NHLRC2: variants seen among roughly 807,000 people sequenced by gnomAD.
NHLRC2 encodes NHL repeat-containing protein 2.
In NHLRC2, 33 loss-of-function variants were observed where a neutral mutation model predicts 68.1. The ratio of observed to expected loss-of-function variants is 0.48; its 90% CI spans 0.37 to 0.65. The LOEUF is 0.65. NHLRC2 is among the 30% of genes least tolerant of loss of function. The pLI, the probability that NHLRC2 is intolerant of heterozygous loss-of-function variation, is 0.00. For missense variants in NHLRC2, 761 were observed against 853.8 expected (o/e 0.89, Z 1.35); for synonymous variants, 311 against 309.6 (o/e 1.00, Z -0.05).
intron 5 of NHLRC2, among the ~76,000 whole-genome samples, chr10:113,889,497 T>C (rs969603675): frequency 6.6e-6 from 1 of 152,202 alleles, no homozygotes; most frequent in East Asian, 1.9e-4. Context: ...ATAAGTTATA[T>C]CTTTATGTCT....
chr10:113,885,068 T>C (rs1846068813), intron 5 of NHLRC2, among the ~76,000 whole-genome samples: 1 of 151,882 alleles, frequency 6.6e-6, no homozygotes, highest in Non-Finnish European at 1.5e-5. Flanking sequence ...TTAGAATATG[T>C]CGAAAATGTA....
intron 1 of NHLRC2, among the ~76,000 whole-genome samples, chr10:113,855,384 A>G (rs1045226526): frequency 2.6e-5 from 4 of 152,034 alleles, no homozygotes; most frequent in East Asian, 1.9e-4. Flanking sequence ...TGTCCATTCA[A>G]TCTGGTTCCC....
chr10:113,858,687 G>T lies in NHLRC2; in HGVS notation c.331+7G>T. ...CACACATACTCTGATAAAGGTATCT[G>T]CTCTTTAATTAGTTTCTAACAGACT... On this transcript the variant is annotated splice_region_variant and intron_variant, in intron 2 of 10. Coordinates refer to ENST00000369301, the MANE Select transcript of NHLRC2 (RefSeq NM_198514.4). 2 of 1,603,456 alleles carry T rather than the reference G, an allele frequency of 1.2e-6. No homozygotes were observed. Among genetic ancestry groups the T allele is most frequent in the South Asian group, 1.1e-5 (1 of 90,484 alleles).
chr10:113,899,651 G>A (rs1297114161), intron 6 of NHLRC2, among the ~76,000 whole-genome samples: 1 of 152,180 alleles, frequency 6.6e-6, no homozygotes, highest in Admixed American at 6.5e-5. Flanking sequence ...TGGGTGCGGT[G>A]GGTCACGCCT....
chr10:113,905,126 C>A, intron 10 of NHLRC2, 90 bp downstream of exon 10: 1 of 682,986 alleles, frequency 1.5e-6, no homozygotes, highest in Non-Finnish European at 2.3e-6. Context: ...TATTTTTACT[C>A]TGTATAGGCA....
Position 113,908,385 on chromosome 10 carries a change from AAGCC to A in NHLRC2, c.2032_2035del (p.Ala678LeufsTer19). On this transcript the variant is annotated frameshift_variant, in exon 11 of 11. Coordinates refer to ENST00000369301, the MANE Select transcript of NHLRC2 (RefSeq NM_198514.4). LOFTEE classifies it high-confidence loss of function. The stretch of plus-strand genomic sequence containing the variant: ...ATTCCTGATGATTGCTTATCACTTG[AAGCC>A]ATTGTATCTGTCAGTGTGTTTCTTT... The A allele has an allele frequency of 6.2e-7, 1 of 1,614,132 alleles. No individual in the cohort carries two copies. The highest frequency in any genetic ancestry group is 8.5e-7 in the Non-Finnish European group (1 of 1,179,942).
Position 113,914,388 on chromosome 10 carries a change from G to C in NHLRC2, c.*5852G>C, listed in dbSNP as rs1400001155. On this transcript the variant is annotated 3_prime_UTR_variant, in exon 11 of 11. Coordinates refer to ENST00000369301, the MANE Select transcript of NHLRC2 (RefSeq NM_198514.4). ...TCGCCATGCTTGCCAGGCTGGTCTC[G>C]AACTCCTGACCTCAGGTGATCTGCC... 1.3e-5 allele frequency: 2 copies of C among 152,212 alleles called. No individual in the cohort carries two copies. Among genetic ancestry groups the C allele is most frequent in the African/African-American group, 4.8e-5 (2 of 41,282 alleles). 9.4% of individuals were successfully genotyped at this position (152,212 alleles called of 1,614,324 possible). A position where few individuals can be genotyped will look rare whatever the true frequency, so the allele number is the denominator to read the frequency against.
At chr10:113,856,698 A>G (rs1391607233) in intron 1 of NHLRC2, among the ~76,000 whole-genome samples, 1 of 152,216 alleles carries the variant, frequency 6.6e-6, no homozygotes, top group Non-Finnish European at 1.5e-5. Context: ...AACTAAAAAA[A>G]CATATAATAA....
intron 7 of NHLRC2, 73 bp from the exon 8 acceptor site, chr10:113,902,398 T>C: frequency 1.0e-6 from 1 of 995,526 alleles, no homozygotes; most frequent in Non-Finnish European, 1.5e-6. Context: ...GTTTGAATTT[T>C]CCTTCATATT....
At chr10:113,887,682 G>A (rs7895675) in intron 5 of NHLRC2, among the ~76,000 whole-genome samples, 2,384 of 152,276 alleles carry the variant, frequency 0.016, 58 homozygotes, top group African/African-American at 0.054. Context: ...TGAGGTGGGA[G>A]AATCACTTGA....
rs1363619962 is a variant in NHLRC2 at position 113,854,676 on chromosome 10, C to G, written c.-197C>G. ...GTCGGACGGCAGTTTAATTACGTCC[C>G]CGGGAACTGCGCCGATTTGGACTTT... On this transcript the variant is annotated 5_prime_UTR_variant, in exon 1 of 11. Coordinates refer to ENST00000369301, the MANE Select transcript of NHLRC2 (RefSeq NM_198514.4). The G allele has an allele frequency of 1.8e-6, 1 of 556,296 alleles. No individual in the cohort carries two copies. The allele number at this position is 556,296 out of a possible 1,614,324, so 34.5% of individuals were successfully genotyped here. A position where few individuals can be genotyped will look rare whatever the true frequency, so the allele number is the denominator to read the frequency against.
chr10:113,857,075 A>C lies in NHLRC2; in HGVS notation c.179-1453A>C, dbSNP rs186065448. Among the ~76,000 whole-genome samples, 70 of 152,318 alleles carry C rather than the reference A, an allele frequency of 4.6e-4. 1 individual carries two copies. The highest frequency in any genetic ancestry group is 1.6e-3 in the African/African-American group (67 of 41,570). On this transcript the variant is annotated intron_variant, in intron 1 of 10. Transcript: ENST00000369301. ...TTATTATTTGTATTGAAAGTAATATATGTAAAATTCTTAATTCACAGAAAA... is the reference window on the plus strand; with the variant it reads ...TTATTATTTGTATTGAAAGTAATATCTGTAAAATTCTTAATTCACAGAAAA...
At chr10:113,869,930 T>G (rs1476694301) in intron 2 of NHLRC2, among the ~76,000 whole-genome samples, 1 of 152,174 alleles carries the variant, frequency 6.6e-6, no homozygotes, top group Non-Finnish European at 1.5e-5. Flanking sequence ...CCTTCCTTAC[T>G]AAATACACCA....
At chr10:113,885,186 T>C (rs886612131) in intron 5 of NHLRC2, among the ~76,000 whole-genome samples, 2 of 151,930 alleles carry the variant, frequency 1.3e-5, no homozygotes, top group African/African-American at 4.8e-5. Context: ...ATGATGCCAA[T>C]TTAATTATGA....
At chr10:113,900,612 A>C (rs1049268521) in intron 6 of NHLRC2, among the ~76,000 whole-genome samples, 8 of 152,132 alleles carry the variant, frequency 5.3e-5, no homozygotes, top group South Asian at 2.1e-4. Flanking sequence ...TCTTTTCTTT[A>C]TTTAATTAAG....
Position 113,879,798 on chromosome 10 carries a change from A to G in NHLRC2, c.909+103A>G, listed in dbSNP as rs572815107. Reference sequence around the variant, plus strand: ...TTAAAGCGTGATTCTTATGTATGTCAATGTCCTTGTTCTGCTTTTCTTGAG... The same window carrying G: ...TTAAAGCGTGATTCTTATGTATGTCGATGTCCTTGTTCTGCTTTTCTTGAG... On this transcript the variant is annotated intron_variant, in intron 4 of 10. Coordinates refer to ENST00000369301, the MANE Select transcript of NHLRC2 (RefSeq NM_198514.4). The G allele has an allele frequency of 2.6e-5, 19 of 719,184 alleles. No homozygotes were observed. The East Asian group carries it at 5.8e-4, about 22-fold the overall frequency. The allele number at this position is 719,184 out of a possible 1,614,324, so 44.6% of individuals were successfully genotyped here. A position where few individuals can be genotyped will look rare whatever the true frequency, so the allele number is the denominator to read the frequency against.
chr10:113,879,466 A>G, intron 3 of NHLRC2, 108 bp from the exon 4 acceptor site: 5 of 976,538 alleles, frequency 5.1e-6, no homozygotes, highest in Non-Finnish European at 7.6e-6. Flanking sequence ...TTAGATGGAC[A>G]TACCATTTTT....
chr10:113,856,407 CCTG>C (rs1845759504), intron 1 of NHLRC2, among the ~76,000 whole-genome samples: 1 of 152,132 alleles, frequency 6.6e-6, no homozygotes, highest in Admixed American at 6.5e-5. Context: ...GCTTATTTTT[CCTG>C]CTATTAATCT....
At chr10:113,886,064 C>T (rs997070839) in intron 5 of NHLRC2, among the ~76,000 whole-genome samples, 7 of 151,786 alleles carry the variant, frequency 4.6e-5, no homozygotes, top group Non-Finnish European at 1.0e-4. Flanking sequence ...AATCAACATA[C>T]AAAAATTAAT....
Sources: gnomAD v4.1 joint callset for allele counts (sites outside exome capture counted in the v4.1 genomes callset) on GRCh38, gnomAD v4.1.1 for gene constraint, MANE v1.5 for transcripts, NCBI Gene and HGNC (gene_info 2026-07-23, HGNC 2026-07-21) for gene names.